FLG2: variants seen among roughly 807,000 people sequenced by gnomAD.
The protein encoded by FLG2 is filaggrin 2.
FLG2 carries 7 observed loss-of-function variants against 3.9 expected under a neutral mutation model. The ratio of observed to expected loss-of-function variants is 1.79; its 90% CI spans 1.02 to 3.36. The LOEUF is 3.36. FLG2 is among the 30% of genes most tolerant of loss of function. The pLI is 0.00. For missense variants in FLG2, 2,700 were observed against 2,809.4 expected, an observed-to-expected ratio of 0.96 and a Z score of 0.88; for synonymous variants, 1,031 against 1,056.1, an observed-to-expected ratio of 0.98 and a Z score of 0.46.
chr1:152,350,251 T>A lies in FLG2; in HGVS notation c.*359A>T, dbSNP rs1653856940. On this transcript the variant is annotated 3_prime_UTR_variant, in exon 3 of 3. Transcript: ENST00000388718. ...AGTGTCTTTCTCCCAATCTTCTGAA[T>A]GCTTTTTGTTATCAGTATGGGATTC... 1 of 232,894 alleles carries A rather than the reference T, an allele frequency of 4.3e-6. No homozygotes were observed. The highest frequency in any genetic ancestry group is 2.3e-5 in the African/African-American group (1 of 44,226). The allele number at this position is 232,894 out of a possible 1,614,324, so 14.4% of individuals were successfully genotyped here. A position where few individuals can be genotyped will look rare whatever the true frequency, so the allele number is the denominator to read the frequency against.
In FLG2 at chr1:152,353,998, C is replaced by G; in HGVS notation, c.3788G>C (p.Arg1263Thr). 5 of 1,614,218 alleles carry G rather than the reference C, an allele frequency of 3.1e-6. No homozygotes were observed. Among genetic ancestry groups the G allele is most frequent in the Non-Finnish European group, 4.2e-6 (5 of 1,180,034 alleles). The change falls in exon 3 of 3, where the codon AGG becomes ACG. Residue 1263 changes from arginine to threonine, a missense_variant. Arg to Thr is a moderately conservative substitution (Grantham distance 71). Transcript: ENST00000388718. Reference protein sequence around the residue: ...GQGQSTQTGSRVTRRRRSSQS... With the variant: ...GQGQSTQTGSTVTRRRRSSQS... Reference sequence around the variant, plus strand: ...GCTAGATCTTCGTCTTCTAGTTACCCTGGACCCTGTCTGTGTGGATTGTCC... The same window carrying G: ...GCTAGATCTTCGTCTTCTAGTTACCGTGGACCCTGTCTGTGTGGATTGTCC...
At position 152,352,317 on chromosome 1, in the gene FLG2, T is replaced by C; in HGVS notation, c.5469A>G (p.Gly1823=). Residue 1823 remains glycine (G), a synonymous_variant, in exon 3 of 3, where the codon GGA becomes GGG. Transcript: ENST00000388718. ...SGFSQRPHSR[G]HTHGQAGSQH... Reference sequence around the variant, plus strand: ...GAGATCCAGCCTGGCCGTGAGTGTGTCCTCGTGAGTGTGGTCTTTGTGAGA... The same window carrying C: ...GAGATCCAGCCTGGCCGTGAGTGTGCCCTCGTGAGTGTGGTCTTTGTGAGA... 1.2e-6 allele frequency: 2 copies of C among 1,613,356 alleles called. No individual in the cohort carries two copies. The highest frequency in any genetic ancestry group is 1.7e-6 in the Non-Finnish European group (2 of 1,179,792).
At position 152,356,081 on chromosome 1, in the gene FLG2, G is replaced by T. The variant is rs778800522; in HGVS notation, c.1705C>A (p.Gln569Lys). 2 of 1,613,644 alleles carry T rather than the reference G, an allele frequency of 1.2e-6. No individual in the cohort carries two copies. Among genetic ancestry groups the T allele is most frequent in the African/African-American group, 2.7e-5 (2 of 74,734 alleles). ...GATTGACCTGAGCCCAACCCATGTTGTCCAAAGCCAGATGTCTCTCTAGAC... is the reference window on the plus strand; with the variant it reads ...GATTGACCTGAGCCCAACCCATGTTTTCCAAAGCCAGATGTCTCTCTAGAC... ...YGSRETSGFG[Q>K]HGLGSGQSTG... Residue 569 changes from glutamine (Q) to lysine (K), a missense_variant, in exon 3 of 3, where the codon CAA becomes AAA. By Grantham distance (53) the Gln-to-Lys change is moderately conservative (BLOSUM62 1). Transcript: ENST00000388718.
chr1:152,358,037 T>G (rs1570945612), intron 2 of FLG2, among the ~76,000 whole-genome samples: 2 of 152,214 alleles, frequency 1.3e-5, no homozygotes, highest in East Asian at 3.9e-4. Flanking sequence ...TTTTTTTTTT[T>G]TTGAGATGGA....
In FLG2 at chr1:152,350,497, T is replaced by A; in HGVS notation, c.*113A>T. On this transcript the variant is annotated 3_prime_UTR_variant, in exon 3 of 3. Transcript: ENST00000388718. Reference sequence around the variant, plus strand: ...TATAATAATAGGTCGAGACTGATACTGAGAATCAACTGAATGTTCATAACT... The same window carrying A: ...TATAATAATAGGTCGAGACTGATACAGAGAATCAACTGAATGTTCATAACT... The A allele has an allele frequency of 7.5e-7, 1 of 1,335,314 alleles. No individual in the cohort carries two copies. The highest frequency in any genetic ancestry group is 1.5e-5 in the African/African-American group (1 of 68,164). 82.7% of individuals were successfully genotyped at this position (1,335,314 alleles called of 1,614,324 possible).
In FLG2 at chr1:152,354,959, C is replaced by G. The variant is rs142717847; in HGVS notation, c.2827G>C (p.Gly943Arg). 6.2e-7 allele frequency: 1 copy of G among 1,603,066 alleles called. No homozygotes were observed. Among genetic ancestry groups the G allele is most frequent in the Non-Finnish European group, 8.5e-7 (1 of 1,174,640 alleles). ...SGYGQHGSSS[G>R]QTFGFGQHRS... is the part of the protein sequence containing the mutation. The stretch of plus-strand genomic sequence containing the variant: ...TGTTGTCCAAATCCAAAAGTCTGTC[C>G]TGAACTTGACCCATGTTGACCATAG... Residue 943 changes from glycine to arginine, a missense_variant, in exon 3 of 3, where the codon GGA becomes CGA. Transcript: ENST00000388718.
At position 152,356,603 on chromosome 1, in the gene FLG2, G is replaced by A. The variant is rs1045100979; in HGVS notation, c.1183C>T (p.Gln395Ter). 1.9e-6 allele frequency: 3 copies of A among 1,614,154 alleles called. No homozygotes were observed. In the East Asian group the frequency reaches 6.7e-5, roughly 36 times the overall value. The change falls in exon 3 of 3, where the codon CAA becomes TAA. Residue 395 changes from glutamine (Q) to a stop codon, truncating the protein, a stop_gained. Transcript: ENST00000388718. LOFTEE classifies it low-confidence loss of function (END_TRUNC). ...SGGSQSCSNG[Q>*]HEYGSCGRFS... ...CGGCCACAGGAACCATATTCATGTT[G>A]ACCATTACTACAAGACTGGCTACCT...
Position 152,352,687 on chromosome 1 carries a change from C to A in FLG2, c.5099G>T (p.Gly1700Val). 1 of 1,613,746 alleles carries A rather than the reference C, an allele frequency of 6.2e-7. No individual in the cohort carries two copies. Among genetic ancestry groups the A allele is most frequent in the Non-Finnish European group, 8.5e-7 (1 of 1,179,936 alleles). The change falls in exon 3 of 3, where the codon GGA becomes GTA. Residue 1700 changes from glycine (G) to valine (V), a missense_variant. By Grantham distance (109) the Gly-to-Val change is moderately radical (BLOSUM62 -3). Transcript: ENST00000388718. ...ERHGTTHGQT[G>V]DTTRHAHYHH... Reference sequence around the variant, plus strand: ...ATAGTGGGCATGTCTAGTGGTATCTCCTGTCTGTCCATGAGTAGTTCCATG... The same window carrying A: ...ATAGTGGGCATGTCTAGTGGTATCTACTGTCTGTCCATGAGTAGTTCCATG...
chr1:152,358,628 A>C, intron 2 of FLG2, 119 bp downstream of exon 2: 1 of 908,982 alleles, frequency 1.1e-6, no homozygotes, highest in Non-Finnish European at 1.6e-6. Flanking sequence ...TCCCCAAAAT[A>C]CCACTCATAG....
rs749447833 is a variant in FLG2 at position 152,356,074 on chromosome 1, C to T, written c.1712G>A (p.Gly571Glu). The T allele has an allele frequency of 6.2e-7, 1 of 1,613,534 alleles. No homozygotes were observed. The highest frequency in any genetic ancestry group is 1.7e-5 in the Admixed American group (1 of 59,940). ...GCCAGTGGATTGACCTGAGCCCAACCCATGTTGTCCAAAGCCAGATGTCTC... is the reference window on the plus strand; with the variant it reads ...GCCAGTGGATTGACCTGAGCCCAACTCATGTTGTCCAAAGCCAGATGTCTC... ...SRETSGFGQH[G>E]LGSGQSTGFG... is the part of the protein sequence containing the mutation. The change falls in exon 3 of 3, where the codon GGG (glycine) becomes GAG (glutamate). Residue 571 changes from glycine (G) to glutamate (E), a missense_variant. Transcript: ENST00000388718.
rs1654098670 is a variant in FLG2 at position 152,354,231 on chromosome 1, G to A, written c.3555C>T (p.Gly1185=). The change falls in exon 3 of 3, where the codon GGC becomes GGT. Residue 1185 remains glycine, a synonymous_variant. Transcript: ENST00000388718. ...PTTSFGQHVS[G]SDNFSSSGQH... ...GTCCAGAACTAGAGAAATTGTCTGA[G>A]CCAGACACATGCTGTCCAAAACTTG... 6.2e-7 allele frequency: 1 copy of A among 1,614,054 alleles called. No homozygotes were observed. Among genetic ancestry groups the A allele is most frequent in the Non-Finnish European group, 8.5e-7 (1 of 1,179,958 alleles).
In FLG2 at chr1:152,355,873, T is replaced by G. The variant is rs1011337649; in HGVS notation, c.1913A>C (p.Gln638Pro). ...CCCATGTTGTCCAAAGCCAGATGTCTGTCTAGACCCATGTTGGCCATAGCC... is the reference window on the plus strand; with the variant it reads ...CCCATGTTGTCCAAAGCCAGATGTCGGTCTAGACCCATGTTGGCCATAGCC... ...SSGYGQHGSRQTSGFGQHGSG... is the reference protein window; with the variant it reads ...SSGYGQHGSRPTSGFGQHGSG... The change falls in exon 3 of 3, where the codon CAG becomes CCG. Residue 638 changes from glutamine (Q) to proline (P), a missense_variant. Physicochemically the swap from Gln to Pro is moderately conservative, Grantham distance 76. Coordinates refer to ENST00000388718, the MANE Select transcript of FLG2 (RefSeq NM_001014342.3). The G allele has an allele frequency of 6.2e-7, 1 of 1,610,946 alleles. No individual in the cohort carries two copies. Among genetic ancestry groups the G allele is most frequent in the Non-Finnish European group, 8.5e-7 (1 of 1,179,512 alleles).
In FLG2 at chr1:152,353,412, T is replaced by G. The variant is rs1456975751; in HGVS notation, c.4374A>C (p.Gly1458=). The change falls in exon 3 of 3, where the codon GGA becomes GGC. Residue 1458 remains glycine, a synonymous_variant. Coordinates refer to ENST00000388718, the MANE Select transcript of FLG2 (RefSeq NM_001014342.3). ...TTCCGTGTCTCCCATGAACTGTGGATCCTGACTCTCCATGTTGAGATCCGG... is the reference window on the plus strand; with the variant it reads ...TTCCGTGTCTCCCATGAACTGTGGAGCCTGACTCTCCATGTTGAGATCCGG... The part of the protein sequence containing the change: ...GQAGSQHGES[G]STVHGRHGTT... 6.2e-7 allele frequency: 1 copy of G among 1,613,354 alleles called. No individual in the cohort carries two copies. The highest frequency in any genetic ancestry group is 8.5e-7 in the Non-Finnish European group (1 of 1,179,898).
intron 2 of FLG2, 52 bp downstream of exon 2, chr1:152,358,695 C>T: frequency 6.3e-7 from 1 of 1,576,566 alleles, no homozygotes; most frequent in Non-Finnish European, 8.6e-7. Context: ...GGTCATACAA[C>T]AGAGCTTGTA....
At position 152,356,629 on chromosome 1, in the gene FLG2, C is replaced by T; in HGVS notation, c.1157G>A (p.Gly386Glu). 6.2e-7 allele frequency: 1 copy of T among 1,614,200 alleles called. No individual in the cohort carries two copies. The highest frequency in any genetic ancestry group is 8.5e-7 in the Non-Finnish European group (1 of 1,180,030). The change falls in exon 3 of 3, where the codon GGA (glycine) becomes GAA (glutamate). Residue 386 changes from glycine (G) to glutamate (E), a missense_variant. By Grantham distance (98) the Gly-to-Glu change is moderately conservative. Transcript: ENST00000388718. ...QSSCCGQYGS[G>E]GSQSCSNGQH... The stretch of plus-strand genomic sequence containing the variant: ...ACCATTACTACAAGACTGGCTACCT[C>T]CAGACCCATATTGTCCACAGCAAGA...
Position 152,356,638 on chromosome 1 carries a change from T to A in FLG2, c.1148A>T (p.Tyr383Phe), listed in dbSNP as rs978651119. The A allele has an allele frequency of 1.9e-6, 3 of 1,614,204 alleles. No individual in the cohort carries two copies. Among genetic ancestry groups the A allele is most frequent in the Non-Finnish European group, 2.5e-6 (3 of 1,180,026 alleles). Residue 383 changes from tyrosine to phenylalanine, a missense_variant, in exon 3 of 3, where the codon TAT becomes TTT. Coordinates refer to ENST00000388718, the MANE Select transcript of FLG2 (RefSeq NM_001014342.3). ...GSSQSSCCGQ[Y>F]GSGGSQSCSN... Reference sequence around the variant, plus strand: ...ACAAGACTGGCTACCTCCAGACCCATATTGTCCACAGCAAGAGGACTGACT... The same window carrying A: ...ACAAGACTGGCTACCTCCAGACCCAAATTGTCCACAGCAAGAGGACTGACT...
rs148270234 is a variant in FLG2, at chr1:152,351,638, C to T, written c.6148G>A (p.Ala2050Thr). 1.5e-3 allele frequency: 2,315 copies of T among 1,520,580 alleles called. 53 individuals carry two copies. In the African/African-American group the frequency reaches 0.035, roughly 23 times the overall value. 94.2% of individuals were successfully genotyped at this position (1,520,580 alleles called of 1,614,324 possible). The change falls in exon 3 of 3, where the codon GCT (alanine) becomes ACT (threonine). Residue 2050 changes from alanine to threonine, a missense_variant. Ala to Thr is a moderately conservative substitution (Grantham distance 58, BLOSUM62 0). Transcript: ENST00000388718. ...TGTTGAGATCCGGCTTGGCCATGAGCGTGTCCTGAATGTGTGTGTGAGACC... is the reference window on the plus strand; with the variant it reads ...TGTTGAGATCCGGCTTGGCCATGAGTGTGTCCTGAATGTGTGTGTGAGACC... ...SGVSHTHSGH[A>T]HGQAGSQHGE...
In FLG2 at chr1:152,356,576, A is replaced by T; in HGVS notation, c.1210T>A (p.Phe404Ile). ...TCATTTGAACTAGAAGAGTTTGAAAAGCGGCCACAGGAACCATATTCATGT... is the reference window on the plus strand; with the variant it reads ...TCATTTGAACTAGAAGAGTTTGAAATGCGGCCACAGGAACCATATTCATGT... Reference protein sequence around the residue: ...GQHEYGSCGRFSNSSSSNEFS... With the variant: ...GQHEYGSCGRISNSSSSNEFS... The change falls in exon 3 of 3, where the codon TTT (phenylalanine) becomes ATT (isoleucine). Residue 404 changes from phenylalanine (F) to isoleucine (I), a missense_variant. Transcript: ENST00000388718. The T allele has an allele frequency of 6.2e-7, 1 of 1,614,218 alleles. No homozygotes were observed. The highest frequency in any genetic ancestry group is 8.5e-7 in the Non-Finnish European group (1 of 1,180,034).
chr1:152,356,970 G>A lies in FLG2; in HGVS notation c.816C>T (p.Asp272=), dbSNP rs140653449. The A allele has an allele frequency of 1.1e-5, 18 of 1,613,996 alleles. No homozygotes were observed. The highest frequency in any genetic ancestry group is 1.4e-5 in the Non-Finnish European group (17 of 1,180,008). ...KLGSSCSGSG[D]SGRRSHACGY... is the part of the protein sequence containing the mutation. ...CACATGCATGACTTCGCCTCCCACT[G>A]TCTCCTGAACCTGAACAGCTAGACC... The change falls in exon 3 of 3, where the codon GAC becomes GAT. Residue 272 remains aspartate (D), a synonymous_variant. Coordinates refer to ENST00000388718, the MANE Select transcript of FLG2 (RefSeq NM_001014342.3).
Sources: gnomAD v4.1 joint callset for allele counts (sites outside exome capture counted in the v4.1 genomes callset) on GRCh38, gnomAD v4.1.1 for gene constraint, MANE v1.5 for transcripts, NCBI Gene and HGNC (gene_info 2026-07-23, HGNC 2026-07-21) for gene names.